The following SLC1A1 variants were observed in gnomAD, a reference collection of about 807,000 sequenced individuals.
The protein encoded by SLC1A1 is solute carrier family 1 member 1.
In SLC1A1, 43 loss-of-function variants were observed where a neutral mutation model predicts 53.3. The observed-to-expected ratio is 0.81, with a 90% CI of 0.63 to 1.04. The LOEUF (loss-of-function observed/expected upper bound fraction) is 1.04, where lower values mean the gene tolerates loss of function less well. Among genes scored for constraint, SLC1A1 ranks in the 50% least tolerant of loss-of-function variants. SLC1A1 has a pLI of 0.00. For missense variants in SLC1A1, 748 were observed against 664.9 expected (o/e 1.12, Z -1.37); for synonymous variants, 307 against 243.2 (o/e 1.26, Z -2.44).
At position 4,558,317 on chromosome 9, in the gene SLC1A1, G is replaced by C. The variant is rs148047904; in HGVS notation, c.233-3132G>C. On this transcript the variant is annotated intron_variant, in intron 2 of 11. Transcript: ENST00000262352. ...CCATGTTGATGACTAGAGAGGTAGA[G>C]GGTAACTATAGAGTGGTAACTATAC... Among the ~76,000 whole-genome samples the C allele has an allele frequency of 2.0e-4, 31 of 152,290 alleles. 1 individual carries two copies. In the East Asian group the frequency reaches 5.2e-3, roughly 26 times the overall value.
At chr9:4,547,022 C>T (rs865807742) in intron 2 of SLC1A1, among the ~76,000 whole-genome samples, 1 of 152,188 alleles carries the variant, frequency 6.6e-6, no homozygotes, top group African/African-American at 2.4e-5. Context: ...CGAGGTAAAA[C>T]AGGTTTTAGA....
At chr9:4,521,384 G>C (rs1816065666) in intron 1 of SLC1A1, among the ~76,000 whole-genome samples, 1 of 152,134 alleles carries the variant, frequency 6.6e-6, no homozygotes, top group Non-Finnish European at 1.5e-5. Context: ...GTTTGGAGAG[G>C]GTTTTACTGT....
chr9:4,525,344 C>T (rs10974592), intron 1 of SLC1A1, among the ~76,000 whole-genome samples: 10,571 of 152,066 alleles, frequency 0.07, 408 homozygotes, highest in African/African-American at 0.097. Context: ...TGTGTAATGC[C>T]GATTTATCAA....
At chr9:4,512,003 A>AAT in intron 1 of SLC1A1, among the ~76,000 whole-genome samples, 1 of 152,330 alleles carries the variant, frequency 6.6e-6, no homozygotes, top group South Asian at 2.1e-4. Context: ...TATGTAACAA[A>AAT]ATATATATAG....
chr9:4,501,485 G>A (rs1213378652), intron 1 of SLC1A1, among the ~76,000 whole-genome samples: 2 of 151,500 alleles, frequency 1.3e-5, no homozygotes, highest in Non-Finnish European at 2.9e-5. Flanking sequence ...CAGCACTTTG[G>A]CCAGGTACGG....
intron 10 of SLC1A1, among the ~76,000 whole-genome samples, chr9:4,580,723 C>G (rs1821015046): frequency 6.8e-6 from 1 of 146,132 alleles, no homozygotes; most frequent in Admixed American, 6.9e-5. Context: ...AAAAAAGTAG[C>G]AGTAGTAATA....
chr9:4,523,896 A>G (rs878972597), intron 1 of SLC1A1, among the ~76,000 whole-genome samples: 1 of 152,244 alleles, frequency 6.6e-6, no homozygotes, highest in Admixed American at 6.5e-5. Context: ...CACAGCTAAT[A>G]AAGTGGTGAG....
At chr9:4,582,637 A>C (rs1344439231) in intron 10 of SLC1A1, among the ~76,000 whole-genome samples, 1 of 152,230 alleles carries the variant, frequency 6.6e-6, no homozygotes, top group Non-Finnish European at 1.5e-5. Context: ...AGGCAGGTGC[A>C]GAGGTACCTG....
chr9:4,543,999 T>C (rs1253039667), intron 1 of SLC1A1, among the ~76,000 whole-genome samples: 1 of 151,964 alleles, frequency 6.6e-6, no homozygotes, highest in African/African-American at 2.4e-5. Context: ...GGCAACCGAA[T>C]GAAACCCTCT....
At chr9:4,545,178 A>G (rs889414026) in intron 2 of SLC1A1, among the ~76,000 whole-genome samples, 1 of 71,544 alleles carries the variant, frequency 1.4e-5, no homozygotes, top group Non-Finnish European at 3.3e-5. Context: ...AAAAATTGAA[A>G]TACATTAGAT....
At chr9:4,517,154 C>G (rs529276983) in intron 1 of SLC1A1, among the ~76,000 whole-genome samples, 2 of 152,294 alleles carry the variant, frequency 1.3e-5, no homozygotes, top group African/African-American at 4.8e-5. Context: ...TTAATTTCTT[C>G]TTCCCCTGCC....
intron 1 of SLC1A1, among the ~76,000 whole-genome samples, chr9:4,523,656 C>T (rs1816162198): frequency 6.6e-6 from 1 of 152,200 alleles, no homozygotes; most frequent in African/African-American, 2.4e-5. Flanking sequence ...AGCCAAAACT[C>T]TTTTGAGCAT....
intron 1 of SLC1A1, among the ~76,000 whole-genome samples, chr9:4,535,000 T>G (rs976723691): frequency 2.6e-5 from 4 of 152,120 alleles, no homozygotes; most frequent in African/African-American, 9.7e-5. Flanking sequence ...TTTGACAAAA[T>G]TCAACAACCC....
chr9:4,561,532 G>A lies in SLC1A1; in HGVS notation c.316G>A (p.Val106Ile), dbSNP rs1276295501. ...VYYFCTTLIA[V>I]ILGIVLVVSI... ...TTATTTCTGTACCACTCTCATTGCT[G>A]TTATTCTAGGTAATACTTATTTCTG... The change falls in exon 3 of 12, where the codon GTT becomes ATT. Residue 106 changes from valine (V) to isoleucine (I), a missense_variant. By Grantham distance (29) the Val-to-Ile change is conservative (BLOSUM62 3). Coordinates refer to ENST00000262352, the MANE Select transcript of SLC1A1 (RefSeq NM_004170.6). 6.5e-7 allele frequency: 1 copy of A among 1,549,160 alleles called. No homozygotes were observed. Among genetic ancestry groups the A allele is most frequent in the Non-Finnish European group, 8.9e-7 (1 of 1,120,794 alleles).
At chr9:4,546,237 A>C (rs1564024451) in intron 2 of SLC1A1, among the ~76,000 whole-genome samples, 1 of 152,246 alleles carries the variant, frequency 6.6e-6, no homozygotes, top group Non-Finnish European at 1.5e-5. Flanking sequence ...TAAAGAGAAC[A>C]TTTAATTATT....
At chr9:4,498,689 T>C (rs1338891401) in intron 1 of SLC1A1, among the ~76,000 whole-genome samples, 3 of 151,590 alleles carry the variant, frequency 2.0e-5, no homozygotes, top group African/African-American at 7.2e-5. Flanking sequence ...AATATATTTA[T>C]TCCATAGCAT....
At chr9:4,528,512 G>C (rs112864853) in intron 1 of SLC1A1, among the ~76,000 whole-genome samples, 5 of 152,214 alleles carry the variant, frequency 3.3e-5, no homozygotes, top group East Asian at 3.9e-4. Flanking sequence ...GGAGGCGGAG[G>C]TTGCAGTGAG....
At chr9:4,542,403 G>A (rs887206715) in intron 1 of SLC1A1, among the ~76,000 whole-genome samples, 1 of 152,112 alleles carries the variant, frequency 6.6e-6, no homozygotes, top group Non-Finnish European at 1.5e-5. Flanking sequence ...AAAATAGCAA[G>A]TACATATCTT....
chr9:4,564,745 C>G (rs764128574), intron 4 of SLC1A1, among the ~76,000 whole-genome samples: 1 of 152,140 alleles, frequency 6.6e-6, no homozygotes, highest in Non-Finnish European at 1.5e-5. Context: ...GTAGTCAGTT[C>G]TGAAGCGCAC....
Sources: gnomAD v4.1 joint callset for allele counts (sites outside exome capture counted in the v4.1 genomes callset) on GRCh38, gnomAD v4.1.1 for gene constraint, MANE v1.5 for transcripts, NCBI Gene and HGNC (gene_info 2026-07-23, HGNC 2026-07-21) for gene names.